Variants in IQCF1 observed in about 807,000 individuals in gnomAD.
The protein encoded by IQCF1 is IQ domain-containing protein F1.
A neutral mutation model predicts 12.5 loss-of-function variants in IQCF1; 9 were observed. The ratio of observed to expected loss-of-function variants is 0.72; its 90% CI spans 0.43 to 1.26. The LOEUF is 1.26. Ranked by LOEUF, IQCF1 falls within the 50% of genes most tolerant of loss-of-function variation. IQCF1 has a pLI of 0.00. For missense variants in IQCF1, 252 were observed against 257.4 expected, an observed-to-expected ratio of 0.98 and a Z score of 0.14; for synonymous variants, 67 against 96.2, an observed-to-expected ratio of 0.70 and a Z score of 1.78.
At chr3:51,896,967 G>C (rs1000062819) in intron 2 of IQCF1, 73 bp from the exon 3 acceptor site, 1 of 1,147,378 alleles carries the variant, frequency 8.7e-7, no homozygotes, top group Non-Finnish European at 1.3e-6. Flanking sequence ...AGCACTGTTA[G>C]ATATGAGTTC....
Position 51,895,418 on chromosome 3 carries a change from C to T in IQCF1, c.172-82G>A. The T allele has an allele frequency of 8.2e-7, 1 of 1,218,968 alleles. No individual in the cohort carries two copies. The highest frequency in any genetic ancestry group is 1.1e-6 in the Non-Finnish European group (1 of 873,076). 75.5% of individuals were successfully genotyped at this position (1,218,968 alleles called of 1,614,324 possible). On this transcript the variant is annotated intron_variant, in intron 3 of 3. Transcript: ENST00000310914. This position sits in a 1 kb window ranked among gnomAD's most constrained non-coding sequence, Gnocchi z 4.8. ...GGGTGTGCCAGGAAAGGCCCTGATT[C>T]CCTATCAGCAACTGTCTCTTTTTCT...
chr3:51,903,111 A>G (rs909179573), intron 1 of IQCF1, 22 bp from the exon 2 acceptor site: 4 of 1,611,620 alleles, frequency 2.5e-6, no homozygotes, highest in Non-Finnish European at 3.4e-6. Context: ...ATTAGGGGAA[A>G]GGCAAGAGTG....
intron 2 of IQCF1, among the ~76,000 whole-genome samples, chr3:51,899,606 A>C (rs1321409190): frequency 6.6e-6 from 1 of 152,252 alleles, no homozygotes; most frequent in South Asian, 2.1e-4. Context: ...TTCTGTGTGT[A>C]AACATATTGG....
At position 51,896,813 on chromosome 3, in the gene IQCF1, G is replaced by A. The variant is rs979181098; in HGVS notation, c.171+19C>T. 6.3e-7 allele frequency: 1 copy of A among 1,583,160 alleles called. No individual in the cohort carries two copies. The highest frequency in any genetic ancestry group is 8.7e-7 in the Non-Finnish European group (1 of 1,151,872). ...CCCACATCCCCAGCCCCAGCCCTGT[G>A]TGGTTTGGGAGGTCATACTTTTTCT... On this transcript the variant is annotated intron_variant, in intron 3 of 3. Coordinates refer to ENST00000310914, the MANE Select transcript of IQCF1 (RefSeq NM_152397.3).
intron 2 of IQCF1, among the ~76,000 whole-genome samples, chr3:51,897,850 A>G (rs1699029285): frequency 1.3e-5 from 2 of 152,038 alleles, no homozygotes; most frequent in Non-Finnish European, 2.9e-5. Context: ...TACCTCTTAC[A>G]CTTAGGGCGG....
intron 2 of IQCF1, among the ~76,000 whole-genome samples, chr3:51,898,944 T>C (rs1699044907): frequency 6.6e-6 from 1 of 152,224 alleles, no homozygotes; most frequent in African/African-American, 2.4e-5. Context: ...AGCAAAGCCT[T>C]AAAGTACTTA....
chr3:51,897,686 C>T (rs1404605895), intron 2 of IQCF1, among the ~76,000 whole-genome samples: 2 of 152,226 alleles, frequency 1.3e-5, no homozygotes, highest in African/African-American at 4.8e-5. Flanking sequence ...GCTGTGGGAG[C>T]CGATAAAGTA....
In IQCF1 at chr3:51,903,258, GC is replaced by G; in HGVS notation, c.3+11del. 3 of 1,613,850 alleles carry G rather than the reference GC, an allele frequency of 1.9e-6. No individual in the cohort carries two copies. The highest frequency in any genetic ancestry group is 2.5e-6 in the Non-Finnish European group (3 of 1,179,748). ...ATCCCTAACAAGCCTGGTGTGTCTG[GC>G]TTTCTCTTACCATTGGTCACATATG... On this transcript the variant is annotated intron_variant, in intron 1 of 3. Transcript: ENST00000310914.
intron 3 of IQCF1, among the ~76,000 whole-genome samples, chr3:51,896,565 T>C (rs1158046336): frequency 6.6e-6 from 1 of 152,138 alleles, no homozygotes; most frequent in African/African-American, 2.4e-5. Flanking sequence ...CGTCAACATG[T>C]CATAGTATTA....
At chr3:51,901,347 C>A (rs1447059462) in intron 2 of IQCF1, among the ~76,000 whole-genome samples, 2 of 152,226 alleles carry the variant, frequency 1.3e-5, no homozygotes, top group African/African-American at 2.4e-5. Flanking sequence ...GGTCATCCAG[C>A]TTCCATCTCC....
Position 51,895,387 on chromosome 3 carries a change from G to C in IQCF1, c.172-51C>G. On this transcript the variant is annotated intron_variant, in intron 3 of 3. Coordinates refer to ENST00000310914, the MANE Select transcript of IQCF1 (RefSeq NM_152397.3). This position sits in a 1 kb window ranked among gnomAD's most constrained non-coding sequence, Gnocchi z 4.8. ...CAGAGAATGCTCCCCACTGGCTTCA[G>C]CTCTGGGGTGTGCCAGGAAAGGCCC... 6.7e-7 allele frequency: 1 copy of C among 1,490,238 alleles called. No homozygotes were observed. Among genetic ancestry groups the C allele is most frequent in the Non-Finnish European group, 9.1e-7 (1 of 1,100,808 alleles). The allele number at this position is 1,490,238 out of a possible 1,614,324, so 92.3% of individuals were successfully genotyped here.
At chr3:51,902,236 T>C (rs986787019) in intron 2 of IQCF1, among the ~76,000 whole-genome samples, 1 of 152,166 alleles carries the variant, frequency 6.6e-6, no homozygotes, top group Admixed American at 6.5e-5. Flanking sequence ...AAACAGCACT[T>C]ACTAAAACCT....
At chr3:51,902,650 A>G (rs1238423282) in intron 2 of IQCF1, 5 of 288,554 alleles carry the variant, frequency 1.7e-5, no homozygotes, top group African/African-American at 8.9e-5. Context: ...TCACCCCATC[A>G]CTCTCTTTAA....
At chr3:51,901,528 C>T (rs1271768415) in intron 2 of IQCF1, among the ~76,000 whole-genome samples, 1 of 152,184 alleles carries the variant, frequency 6.6e-6, no homozygotes, top group African/African-American at 2.4e-5. Flanking sequence ...TTACTGGACG[C>T]TCTGATGAAT....
At chr3:51,902,811 G>C (rs574939722) in intron 2 of IQCF1, 174 bp downstream of exon 2, 25 of 682,308 alleles carry the variant, frequency 3.7e-5, no homozygotes, top group Non-Finnish European at 5.4e-5. Flanking sequence ...CTGTAAGGGC[G>C]CACCCTTCTA....
intron 2 of IQCF1, among the ~76,000 whole-genome samples, chr3:51,898,380 C>T (rs1248392919): frequency 6.6e-6 from 1 of 152,158 alleles, no homozygotes. Flanking sequence ...GACCCTATAA[C>T]AGTCCAATAC....
rs1698989415 is a variant in IQCF1, at chr3:51,895,266, C to G, written c.242G>C (p.Gly81Ala). The G allele has an allele frequency of 1.2e-5, 20 of 1,614,002 alleles. No homozygotes were observed. The highest frequency in any genetic ancestry group is 1.7e-5 in the Non-Finnish European group (20 of 1,180,024). Residue 81 changes from glycine (G) to alanine (A), a missense_variant, in exon 4 of 4, where the codon GGC becomes GCC. Gly to Ala is a moderately conservative substitution (Grantham distance 60, BLOSUM62 0). Transcript: ENST00000310914. The surrounding 1 kb of genome is among the most constrained non-coding windows in gnomAD (Gnocchi z 4.8). ...CAACAGTGCCCGACGCACCAGGGTGCCCCGCCACCAGGCCTGGATCTTGGT... is the reference window on the plus strand; with the variant it reads ...CAACAGTGCCCGACGCACCAGGGTGGCCCGCCACCAGGCCTGGATCTTGGT... ...VATKIQAWWR[G>A]TLVRRALLHA...
chr3:51,903,117 G>C (rs940715632), intron 1 of IQCF1, 28 bp from the exon 2 acceptor site: 2 of 1,609,434 alleles, frequency 1.2e-6, no homozygotes, highest in African/African-American at 2.7e-5. Context: ...GGAAAGGCAA[G>C]AGTGAGGCTG....
chr3:51,897,269 C>T (rs544841391), intron 2 of IQCF1, among the ~76,000 whole-genome samples: 44 of 152,320 alleles, frequency 2.9e-4, no homozygotes, highest in Admixed American at 1.2e-3. Flanking sequence ...GCAGGGGCCA[C>T]GGGCATCAGG....
Sources: gnomAD v4.1 joint callset for allele counts (sites outside exome capture counted in the v4.1 genomes callset) on GRCh38, gnomAD v4.1.1 for gene constraint, Gnocchi (gnomAD v3.1) non-coding constraint, MANE v1.5 for transcripts, NCBI Gene and HGNC (gene_info 2026-07-23, HGNC 2026-07-21) for gene names.